CPSF3: variants seen among roughly 807,000 people sequenced by gnomAD.
CPSF3 encodes the protein cleavage and polyadenylation specificity factor subunit 3.
A neutral mutation model predicts 84.1 loss-of-function variants in CPSF3; 57 were observed. That is an observed-to-expected ratio of 0.68 (90% CI 0.55 to 0.85). The LOEUF is 0.85. Ranked by LOEUF, CPSF3 falls within the 40% of genes least tolerant of loss-of-function variation. The pLI is 0.00. For missense variants in CPSF3, 522 were observed against 838.8 expected, an observed-to-expected ratio of 0.62 and a Z score of 4.66; for synonymous variants, 275 against 278.1, an observed-to-expected ratio of 0.99 and a Z score of 0.11.
intron 15 of CPSF3, among the ~76,000 whole-genome samples, chr2:9,466,595 C>CTAAA (rs61442524): frequency 0.073 from 11,037 of 151,952 alleles, 1,328 homozygotes; most frequent in African/African-American, 0.25. Context: ...GACCCTGTCT[C>CTAAA]TAAATAAATA....
chr2:9,464,271 T>A (rs918069572), intron 15 of CPSF3, among the ~76,000 whole-genome samples: 1 of 152,206 alleles, frequency 6.6e-6, no homozygotes. Flanking sequence ...GGTATACCTG[T>A]CTGATTGTAT....
intron 11 of CPSF3, 122 bp downstream of exon 11, chr2:9,448,472 C>A: frequency 3.7e-6 from 3 of 809,928 alleles, no homozygotes; most frequent in Non-Finnish European, 3.7e-6. Context: ...TGTTACACTA[C>A]AGGAATTTTA....
intron 7 of CPSF3, among the ~76,000 whole-genome samples, chr2:9,438,960 CT>C (rs1246032565): frequency 6.6e-6 from 1 of 152,068 alleles, no homozygotes; most frequent in Non-Finnish European, 1.5e-5. Context: ...AATTATTTAA[CT>C]TTTTTTAATA....
At chr2:9,469,357 C>T (rs929478693) in intron 16 of CPSF3, among the ~76,000 whole-genome samples, 44 of 152,162 alleles carry the variant, frequency 2.9e-4, no homozygotes, top group African/African-American at 1.0e-3. Flanking sequence ...CCCGGTTAAA[C>T]AGCCCTATTG....
intron 15 of CPSF3, among the ~76,000 whole-genome samples, chr2:9,465,700 C>A (rs1681881372): frequency 6.6e-6 from 1 of 151,636 alleles, no homozygotes; most frequent in Non-Finnish European, 1.5e-5. Flanking sequence ...ACTCTTAAGG[C>A]CCCCCATCCT....
chr2:9,458,002 C>T (rs1424600786), intron 14 of CPSF3, among the ~76,000 whole-genome samples: 9 of 152,046 alleles, frequency 5.9e-5, no homozygotes, highest in Non-Finnish European at 7.4e-5. Context: ...GTGATCCACC[C>T]GCCTCGCATA....
intron 8 of CPSF3, among the ~76,000 whole-genome samples, chr2:9,441,169 A>T: frequency 6.6e-6 from 1 of 152,228 alleles, no homozygotes; most frequent in Middle Eastern, 3.2e-3. Context: ...AATTCTATAT[A>T]TGAAAATTTT....
chr2:9,449,628 A>G (rs1240465405), intron 11 of CPSF3, among the ~76,000 whole-genome samples: 1 of 151,922 alleles, frequency 6.6e-6, no homozygotes, highest in Admixed American at 6.6e-5. Flanking sequence ...TGTAGTCCCA[A>G]CTACCTGGGA....
intron 7 of CPSF3, among the ~76,000 whole-genome samples, chr2:9,439,145 T>G (rs1217010395): frequency 6.6e-6 from 1 of 152,174 alleles, no homozygotes; most frequent in Non-Finnish European, 1.5e-5. Flanking sequence ...GTCTTTGTCC[T>G]CATATAAAAT....
At chr2:9,470,618 GTTTAAT>G (rs1682132536) in intron 16 of CPSF3, among the ~76,000 whole-genome samples, 1 of 152,218 alleles carries the variant, frequency 6.6e-6, no homozygotes, top group Admixed American at 6.5e-5. Flanking sequence ...TAAATACCAA[GTTTAAT>G]TAAAGTAGGA....
Position 9,466,208 on chromosome 2 carries a change from G to GCGCACACACGCA in CPSF3, c.1787-1489_1787-1478dup, listed in dbSNP as rs1441965388. ...CACACACACGCGCTCACACACACACGCGCACACACGCACGCACACACACAC... is the reference window on the plus strand; with the variant it reads ...CACACACACGCGCTCACACACACACGCGCACACACGCACGCACACACGCACGCACACACACAC... On this transcript the variant is annotated intron_variant, in intron 15 of 17. Transcript: ENST00000238112. Among the ~76,000 whole-genome samples the GCGCACACACGCA allele has an allele frequency of 2.0e-5, 3 of 147,534 alleles. No individual in the cohort carries two copies. In the East Asian group the frequency reaches 6.3e-4, roughly 31 times the overall value.
chr2:9,459,056 G>C (rs1234374065), intron 14 of CPSF3, among the ~76,000 whole-genome samples: 1 of 151,462 alleles, frequency 6.6e-6, no homozygotes, highest in East Asian at 1.9e-4. Flanking sequence ...AGGTTGCAGT[G>C]AGCCAAGATC....
intron 4 of CPSF3, 52 bp from the exon 5 acceptor site, chr2:9,432,459 T>A: frequency 7.5e-7 from 1 of 1,340,590 alleles, no homozygotes; most frequent in Non-Finnish European, 9.8e-7. Flanking sequence ...TTCAAAGGCT[T>A]TTTAAAAAAT....
intron 2 of CPSF3, 26 bp downstream of exon 2, chr2:9,428,854 T>G: frequency 7.5e-7 from 1 of 1,334,672 alleles, no homozygotes; most frequent in Non-Finnish European, 1.1e-6. Context: ...GTACTCAGTT[T>G]AATAGTATGG....
chr2:9,436,774 A>AAATAATAATAATAATAATAATAAT (rs70948816), intron 7 of CPSF3, among the ~76,000 whole-genome samples: 3,139 of 142,972 alleles, frequency 0.022, 62 homozygotes, highest in Admixed American at 0.027. Context: ...CCATCTCAAA[A>AAATAATAATAATAATAATAATAAT]AATAATAATA....
At chr2:9,466,328 ACGCACGCACACACGCGCG>A (rs1444831371) in intron 15 of CPSF3, among the ~76,000 whole-genome samples, 6 of 59,478 alleles carry the variant, frequency 1.0e-4, no homozygotes, top group East Asian at 2.2e-4. Flanking sequence ...ACGCACACAG[ACGCACGCACACACGCGCG>A]CGCGCGCACA....
At chr2:9,442,050 T>A in intron 9 of CPSF3, 74 bp downstream of exon 9, 3 of 1,457,362 alleles carry the variant, frequency 2.1e-6, no homozygotes, top group Non-Finnish European at 2.8e-6. Context: ...CACAGGTTTT[T>A]GCACTGAAGT....
intron 9 of CPSF3, among the ~76,000 whole-genome samples, chr2:9,442,915 C>T (rs11674109): frequency 0.16 from 24,438 of 151,600 alleles, 2,182 homozygotes; most frequent in Middle Eastern, 0.28. Context: ...GTAATCCTAG[C>T]ACTTCAGGAG....
chr2:9,424,686 T>C (rs1213157383), intron 1 of CPSF3: 1 of 152,252 alleles, frequency 6.6e-6, no homozygotes, highest in Non-Finnish European at 1.5e-5. Flanking sequence ...ACCTGTCATG[T>C]CTTCCTGTGA....
Sources: gnomAD v4.1 joint callset for allele counts (sites outside exome capture counted in the v4.1 genomes callset) on GRCh38, gnomAD v4.1.1 for gene constraint, MANE v1.5 for transcripts, NCBI Gene and HGNC (gene_info 2026-07-23, HGNC 2026-07-21) for gene names.